The following A2ML1 variants were observed in gnomAD, a reference collection of about 807,000 sequenced individuals.
A2ML1 encodes the protein alpha-2-macroglobulin like 1, also known as alpha-2-macroglobulin-like protein 1.
In A2ML1, 161 loss-of-function variants were observed where a neutral mutation model predicts 181.9. That is an observed-to-expected ratio of 0.89 (90% CI 0.78 to 1.01). The LOEUF is 1.01. A2ML1 is among the 50% of genes least tolerant of loss of function. The pLI, the probability that A2ML1 is intolerant of heterozygous loss-of-function variation, is 0.00. For synonymous variants in A2ML1, 663 were observed against 666.8 expected (o/e 0.99, Z 0.09); for missense variants, 1,670 against 1,768.1 (o/e 0.94, Z 1.00).
At chr12:8,846,935 AT>A (rs950961767) in intron 14 of A2ML1, among the ~76,000 whole-genome samples, 50 of 151,060 alleles carry the variant, frequency 3.3e-4, no homozygotes, top group African/African-American at 1.1e-3. Flanking sequence ...GACCCTGTCT[AT>A]TTTTTTTATT....
chr12:8,845,089 G>T (rs1943621526), intron 12 of A2ML1: 2 of 1,446,170 alleles, frequency 1.4e-6, no homozygotes, highest in African/African-American at 1.4e-5. Flanking sequence ...CACTTATGAG[G>T]ATAGATTTTC....
At chr12:8,872,789 A>T (rs1944671895) in intron 33 of A2ML1, among the ~76,000 whole-genome samples, 2 of 150,386 alleles carry the variant, frequency 1.3e-5, no homozygotes, top group South Asian at 4.2e-4. Flanking sequence ...ATCTCAAAAA[A>T]AAAAAAAAAG....
chr12:8,833,856 G>T (rs918000903), intron 4 of A2ML1, among the ~76,000 whole-genome samples: 1 of 151,922 alleles, frequency 6.6e-6, no homozygotes, highest in Non-Finnish European at 1.5e-5. Flanking sequence ...TTGAAGAATT[G>T]CCATTATCCC....
Position 8,868,344 on chromosome 12 carries a change from A to G in A2ML1, c.4048A>G (p.Thr1350Ala). 1 of 1,613,066 alleles carries G rather than the reference A, an allele frequency of 6.2e-7. No homozygotes were observed. Among genetic ancestry groups the G allele is most frequent in the East Asian group, 2.2e-5 (1 of 44,874 alleles). Reference sequence around the variant, plus strand: ...GACTTCACCTCGATCCTTGACTCTCACTATTCACACCAGGTGATTAAAGCT... The same window carrying G: ...GACTTCACCTCGATCCTTGACTCTCGCTATTCACACCAGGTGATTAAAGCT... ...QPTSPRSLTL[T>A]IHTSYVGSRS... Residue 1350 changes from threonine (T) to alanine (A), a missense_variant, in exon 31 of 36, where the codon ACT becomes GCT. Coordinates refer to ENST00000299698, the MANE Select transcript of A2ML1 (RefSeq NM_144670.6).
In A2ML1 at chr12:8,874,480, C is replaced by T. The variant is rs2136995608; in HGVS notation, c.4277C>T (p.Thr1426Ile). The change falls in exon 34 of 36, where the codon ACC (threonine) becomes ATC (isoleucine). Residue 1426 changes from threonine (T) to isoleucine (I), a missense_variant. Transcript: ENST00000299698. Reference protein sequence around the residue: ...TFTISQSVLVTNLKPATIKVY... With the variant: ...TFTISQSVLVINLKPATIKVY... ...ACCATCAGCCAAAGTGTGCTGGTCA[C>T]CAACTTGAAACCAGCAACCATCAAG... 1.2e-6 allele frequency: 2 copies of T among 1,614,094 alleles called. No individual in the cohort carries two copies. The highest frequency in any genetic ancestry group is 1.3e-5 in the African/African-American group (1 of 75,022).
chr12:8,841,095 A>C (rs1943465389), intron 10 of A2ML1, among the ~76,000 whole-genome samples: 1 of 152,106 alleles, frequency 6.6e-6, no homozygotes, highest in South Asian at 2.1e-4. Context: ...GCATATGAAG[A>C]GCCCTGAAGC....
At position 8,829,723 on chromosome 12, in the gene A2ML1, C is replaced by G. The variant is rs1943048161; in HGVS notation, c.410-4C>G. The G allele has an allele frequency of 6.2e-7, 1 of 1,613,252 alleles. No individual in the cohort carries two copies. Among genetic ancestry groups the G allele is most frequent in the African/African-American group, 1.3e-5 (1 of 74,864 alleles). ...CTTTGCTAATGATGCCTGTTCCTTTCCAGTGTATTTCCGCATTGTCACCAT... is the reference window on the plus strand; with the variant it reads ...CTTTGCTAATGATGCCTGTTCCTTTGCAGTGTATTTCCGCATTGTCACCAT... On this transcript the variant is annotated splice_polypyrimidine_tract_variant and splice_region_variant and intron_variant, in intron 3 of 35. Transcript: ENST00000299698.
chr12:8,837,887 C>A (rs1271471035), intron 8 of A2ML1, among the ~76,000 whole-genome samples: 3 of 85,294 alleles, frequency 3.5e-5, no homozygotes, highest in Non-Finnish European at 7.1e-5. Context: ...CCCCCTCCCC[C>A]ACCGAAAAAA....
chr12:8,824,778 C>G (rs2136703455), intron 3 of A2ML1, among the ~76,000 whole-genome samples: 1 of 152,060 alleles, frequency 6.6e-6, no homozygotes, highest in Admixed American at 6.6e-5. Flanking sequence ...ATTCTATTCT[C>G]TATCTCCACG....
In A2ML1 at chr12:8,847,677, C is replaced by T. The variant is rs1182071876; in HGVS notation, c.1812C>T (p.Asp604=). 1.9e-6 allele frequency: 3 copies of T among 1,612,516 alleles called. No individual in the cohort carries two copies. In the East Asian group the frequency reaches 6.7e-5, roughly 36 times the overall value. ...AGAGTGTCTTACTGCTTAGGCCAGA[C>T]AGAGAGCTGAGCAACCGCTCTGTGA... is the stretch of plus-strand genomic sequence containing the variant. The part of the protein sequence containing the change: ...VDESVLLLRP[D]RELSNRSVYG... Residue 604 remains aspartate, a synonymous_variant, in exon 15 of 36, where the codon GAC becomes GAT. Transcript: ENST00000299698.
intron 12 of A2ML1, among the ~76,000 whole-genome samples, chr12:8,844,392 GAGCCC>G (rs1943597222): frequency 6.6e-6 from 1 of 151,904 alleles, no homozygotes; most frequent in African/African-American, 2.4e-5. Flanking sequence ...ATGAGCCACC[GAGCCC>G]AGCCAGGATA....
In A2ML1 at chr12:8,874,953, A is replaced by T. The variant is rs113456917; in HGVS notation, c.4325-18A>T. 1.8e-3 allele frequency: 2,975 copies of T among 1,613,854 alleles called. 54 individuals are homozygous for T. In the African/African-American group the frequency reaches 0.035, roughly 19 times the overall value. On this transcript the variant is annotated intron_variant, in intron 34 of 35. Transcript: ENST00000299698. ...AGGAGGCCCTCAAAGTAATAATATG[A>T]CTTATTTCATTTCACAGATGAACAG... is the stretch of plus-strand genomic sequence containing the variant.
chr12:8,874,125 T>G (rs1944719930), intron 33 of A2ML1, among the ~76,000 whole-genome samples: 1 of 152,058 alleles, frequency 6.6e-6, no homozygotes, highest in Non-Finnish European at 1.5e-5. Flanking sequence ...AAGCGATTCT[T>G]CTGCCTCAGC....
chr12:8,849,884 C>A, intron 17 of A2ML1, 125 bp downstream of exon 17: 1 of 869,208 alleles, frequency 1.2e-6, no homozygotes, highest in Non-Finnish European at 1.8e-6. Context: ...GGTTGTGGGT[C>A]ACAGATGCAG....
intron 7 of A2ML1, among the ~76,000 whole-genome samples, chr12:8,836,979 A>T (rs1175029223): frequency 6.6e-6 from 1 of 152,186 alleles, no homozygotes; most frequent in African/African-American, 2.4e-5. Context: ...TGAGTAAAGT[A>T]GGGAAGGGGA....
At position 8,858,063 on chromosome 12, in the gene A2ML1, C is replaced by G. The variant is rs1944131469; in HGVS notation, c.3225C>G (p.Cys1075Trp). The change falls in exon 26 of 36, where the codon TGC (cysteine) becomes TGG (tryptophan). Residue 1075 changes from cysteine to tryptophan, a missense_variant. Transcript: ENST00000299698. ...WMAGNQLPSG[C>W]YANVGNLLHT... is the part of the protein sequence containing the mutation. ...CAGGAAACCAGCTCCCCAGTGGCTG[C>G]TATGCCAACGTGGGAAATCTCCTTC... 1.9e-6 allele frequency: 3 copies of G among 1,614,044 alleles called. No individual in the cohort carries two copies. The African/African-American group carries it at 4.0e-5, about 22-fold the overall frequency.
intron 7 of A2ML1, among the ~76,000 whole-genome samples, chr12:8,883,716 G>T (rs1944891732): frequency 6.6e-6 from 1 of 151,774 alleles, no homozygotes; most frequent in East Asian, 1.9e-4. Flanking sequence ...GACCTCAGGT[G>T]ATCTGCCCAC....
At chr12:8,875,083 G>A in intron 35 of A2ML1, 71 bp downstream of exon 35, 1 of 1,508,860 alleles carries the variant, frequency 6.6e-7, no homozygotes, top group Non-Finnish European at 9.2e-7. Context: ...CTCTTTTCGA[G>A]TTACTGTCAT....
At chr12:8,861,406 AGTAAC>A in intron 28 of A2ML1, 109 bp downstream of exon 28, 1 of 1,285,294 alleles carries the variant, frequency 7.8e-7, no homozygotes, top group Non-Finnish European at 1.1e-6. Flanking sequence ...GATTCATTTT[AGTAAC>A]AGTTATTAAG....
Sources: gnomAD v4.1 joint callset for allele counts (sites outside exome capture counted in the v4.1 genomes callset) on GRCh38, gnomAD v4.1.1 for gene constraint, MANE v1.5 for transcripts, NCBI Gene and HGNC (gene_info 2026-07-23, HGNC 2026-07-21) for gene names.